Variants in MTA1 observed in about 807,000 individuals in gnomAD.
MTA1 encodes metastasis-associated protein MTA1.
In MTA1, 15 loss-of-function variants were observed where a neutral mutation model predicts 97.0. The ratio of observed to expected loss-of-function variants is 0.15; its 90% CI spans 0.10 to 0.24. The LOEUF (loss-of-function observed/expected upper bound fraction) is 0.24. Among genes scored for constraint, MTA1 ranks in the 10% least tolerant of loss-of-function variants. MTA1 has a pLI of 1.00. For missense variants in MTA1, 709 were observed against 1,015.1 expected, an observed-to-expected ratio of 0.70 and a Z score of 4.10; for synonymous variants, 435 against 417.5, an observed-to-expected ratio of 1.04 and a Z score of -0.51.
rs201104877 is a variant in MTA1, at chr14:105,444,790, TAAA to T, written c.97-613_97-611del. 8.8e-4 allele frequency among the ~76,000 whole-genome samples: 109 copies of T among 123,822 alleles called. 1 individual carries two copies. Among genetic ancestry groups the T allele is most frequent in the African/African-American group, 3.4e-3 (100 of 29,654 alleles). 81.2% of individuals were successfully genotyped at this position (123,822 alleles called of 152,430 possible). On this transcript the variant is annotated intron_variant, in intron 2 of 20. Transcript: ENST00000331320. The stretch of plus-strand genomic sequence containing the variant: ...TGGGCGACAGAGTGAGACCCCATCT[TAAA>T]AAAAAAAAAAAAAAGAGTTATAAAT...
At chr14:105,460,494 G>A (rs782639078) in intron 9 of MTA1, 37 bp downstream of exon 9, 15 of 1,559,922 alleles carry the variant, frequency 9.6e-6, no homozygotes, top group South Asian at 2.4e-5. Flanking sequence ...GAGACCTGGG[G>A]TGGCCCATGG....
chr14:105,454,086 A>C, intron 6 of MTA1, 107 bp from the exon 7 acceptor site: 1 of 779,770 alleles, frequency 1.3e-6, no homozygotes, highest in Non-Finnish European at 2.2e-6. Flanking sequence ...GCCCCACAAG[A>C]GCTCTGGGCA....
At position 105,470,036 on chromosome 14, in the gene MTA1, C is replaced by T. The variant is rs200163001; in HGVS notation, c.1998-29C>T. 1,433 of 1,612,594 alleles carry T rather than the reference C, an allele frequency of 8.9e-4. 10 individuals carry two copies. The African/African-American group carries it at 0.017, about 19-fold the overall frequency. On this transcript the variant is annotated intron_variant, in intron 20 of 20. Transcript: ENST00000331320. ...AGGCGGGAGGGCTCCGCACAGCGTC[C>T]CGGCCCTCACCACCACCTCTGCCCA...
chr14:105,436,161 C>T (rs868925493), intron 1 of MTA1, among the ~76,000 whole-genome samples: 18 of 152,064 alleles, frequency 1.2e-4, no homozygotes, highest in African/African-American at 2.4e-4. Flanking sequence ...CCCAGCTACT[C>T]GGGAGGTTGA....
chr14:105,439,324 C>A (rs999137941), intron 2 of MTA1, among the ~76,000 whole-genome samples: 7 of 151,896 alleles, frequency 4.6e-5, no homozygotes, highest in Non-Finnish European at 1.0e-4. Flanking sequence ...TGCCATGAGT[C>A]CTTGGCAGTT....
chr14:105,463,670 G>A lies in MTA1; in HGVS notation c.1076+119G>A, dbSNP rs982252349. 6.6e-6 allele frequency: 7 copies of A among 1,060,560 alleles called. No individual in the cohort carries two copies. In the Admixed American group the frequency reaches 1.2e-4, roughly 19 times the overall value. 65.7% of individuals were successfully genotyped at this position (1,060,560 alleles called of 1,614,324 possible). A position where few individuals can be genotyped will look rare whatever the true frequency, so the allele number is the denominator to read the frequency against. On this transcript the variant is annotated intron_variant, in intron 12 of 20. Transcript: ENST00000331320. This position sits in a 1 kb window ranked among gnomAD's most constrained non-coding sequence, Gnocchi z 5.9. ...CAAGCTCAGAGGCTGGGAAAGTTGGGGCAGCCCCCGGGAGGGCGGCCCAGG... is the reference window on the plus strand; with the variant it reads ...CAAGCTCAGAGGCTGGGAAAGTTGGAGCAGCCCCCGGGAGGGCGGCCCAGG...
At chr14:105,466,316 G>A in intron 16 of MTA1, 110 bp from the exon 17 acceptor site, 1 of 1,006,524 alleles carries the variant, frequency 9.9e-7, no homozygotes, top group Non-Finnish European at 1.5e-6. Flanking sequence ...GGGCCGCATG[G>A]GGCTTAGTTC....
chr14:105,432,558 G>A (rs980694149), intron 1 of MTA1, among the ~76,000 whole-genome samples: 6 of 152,190 alleles, frequency 3.9e-5, no homozygotes, highest in African/African-American at 9.7e-5. Context: ...AAAAAGCGCC[G>A]AAATTGGAAA....
In MTA1 at chr14:105,463,326, G is replaced by T; in HGVS notation, c.1017+68G>T. ...CCGTCCTGCGCCCCATCCTCTCCCA[G>T]CAGGTGGGCGTGCACTGCTGCAGCA... On this transcript the variant is annotated intron_variant, in intron 11 of 20. Transcript: ENST00000331320. This position sits in a 1 kb window ranked among gnomAD's most constrained non-coding sequence, Gnocchi z 5.9. The T allele has an allele frequency of 1.3e-6, 2 of 1,575,070 alleles. No homozygotes were observed. Among genetic ancestry groups the T allele is most frequent in the Admixed American group, 1.7e-5 (1 of 59,820 alleles).
chr14:105,449,855 C>G (rs1361301819), intron 4 of MTA1, among the ~76,000 whole-genome samples: 1 of 152,160 alleles, frequency 6.6e-6, no homozygotes, highest in Non-Finnish European at 1.5e-5. Flanking sequence ...CACGTGGGCA[C>G]CAGAGTGTCT....
At chr14:105,443,315 C>G (rs1253931536) in intron 2 of MTA1, among the ~76,000 whole-genome samples, 1 of 152,174 alleles carries the variant, frequency 6.6e-6, no homozygotes, top group Admixed American at 6.5e-5. Context: ...CTCGAGAACG[C>G]CCGGCTCCCG....
chr14:105,446,915 C>T (rs2082736002), intron 3 of MTA1, among the ~76,000 whole-genome samples: 2 of 152,290 alleles, frequency 1.3e-5, no homozygotes, highest in African/African-American at 4.8e-5. Flanking sequence ...AGGAGGGGAG[C>T]GTTCAAGGTG....
At chr14:105,439,234 C>T (rs1377257633) in intron 2 of MTA1, among the ~76,000 whole-genome samples, 1 of 37,052 alleles carries the variant, frequency 2.7e-5, no homozygotes, top group African/African-American at 1.1e-4. Flanking sequence ...GAGCTCTGCC[C>T]CCAACCCTGA....
intron 18 of MTA1, chr14:105,468,231 G>T (rs1263497463): frequency 1.7e-6 from 2 of 1,168,596 alleles, no homozygotes; most frequent in Non-Finnish European, 2.3e-6. Flanking sequence ...CCATTTGCCC[G>T]TGCAGCCTGT....
At chr14:105,445,720 C>T (rs138368631) in intron 3 of MTA1, 48 of 684,606 alleles carry the variant, frequency 7.0e-5, no homozygotes, top group African/African-American at 2.8e-4. Context: ...ATGAAGTCCT[C>T]GCACGCCCCC....
In MTA1 at chr14:105,466,550, C is replaced by T. The variant is rs1165406847; in HGVS notation, c.1749C>T (p.Arg583=). The change falls in exon 17 of 21, where the codon CGC becomes CGT. Residue 583 remains arginine, a synonymous_variant. Coordinates refer to ENST00000331320, the MANE Select transcript of MTA1 (RefSeq NM_004689.4). ...GCTCCCCCACCATCCTGGGCAAGCGCAGCTACGAGCAGCACAACGGGGTGG... is the reference window on the plus strand; with the variant it reads ...GCTCCCCCACCATCCTGGGCAAGCGTAGCTACGAGCAGCACAACGGGGTGG... ...NNGSPTILGK[R]SYEQHNGVDG... is the part of the protein sequence containing the mutation. The T allele has an allele frequency of 6.3e-7, 1 of 1,582,860 alleles. No individual in the cohort carries two copies. The highest frequency in any genetic ancestry group is 1.3e-5 in the African/African-American group (1 of 74,370).
intron 18 of MTA1, 177 bp downstream of exon 18, chr14:105,466,919 A>G (rs781795769): frequency 3.7e-5 from 24 of 656,590 alleles, no homozygotes; most frequent in Non-Finnish European, 5.0e-5. Flanking sequence ...CTTGGTGAAG[A>G]CCCCCCGAGC....
chr14:105,468,785 C>T (rs914171981), intron 18 of MTA1, among the ~76,000 whole-genome samples: 3 of 152,210 alleles, frequency 2.0e-5, no homozygotes, highest in Admixed American at 6.5e-5. Context: ...CACACCTACA[C>T]ACAGGGCAGT....
chr14:105,468,189 C>T, intron 18 of MTA1: 1 of 683,326 alleles, frequency 1.5e-6, no homozygotes, highest in Non-Finnish European at 2.3e-6. Context: ...CCCTGCCTGC[C>T]CACAGCACGG....
Sources: gnomAD v4.1 joint callset for allele counts (sites outside exome capture counted in the v4.1 genomes callset) on GRCh38, gnomAD v4.1.1 for gene constraint, Gnocchi (gnomAD v3.1) non-coding constraint, MANE v1.5 for transcripts, NCBI Gene and HGNC (gene_info 2026-07-23, HGNC 2026-07-21) for gene names.